The following ARL5A variants were observed in gnomAD, a reference collection of about 807,000 sequenced individuals.
ARL5A encodes the protein ARF like GTPase 5A.
Under a neutral mutation model 25.9 loss-of-function variants are expected in ARL5A, and 18 were observed. The observed-to-expected ratio is 0.69, with a 90% CI of 0.48 to 1.03. ARL5A has a LOEUF of 1.03. Among genes scored for constraint, ARL5A ranks in the 50% least tolerant of loss-of-function variants. The pLI, the probability that ARL5A is intolerant of heterozygous loss-of-function variation, is 0.00. For synonymous variants in ARL5A, 61 were observed against 67.5 expected (o/e 0.90, Z 0.47); for missense variants, 170 against 211.9 (o/e 0.80, Z 1.23).
chr2:151,815,316 G>A (rs771194130), intron 1 of ARL5A, 117 bp from the exon 2 acceptor site: 1 of 769,026 alleles, frequency 1.3e-6, no homozygotes, highest in Non-Finnish European at 2.1e-6. Flanking sequence ...TCAGTGCATG[G>A]CACTTTATAC....
At chr2:151,804,183 T>C (rs2099829791) in intron 5 of ARL5A, among the ~76,000 whole-genome samples, 2 of 152,170 alleles carry the variant, frequency 1.3e-5, no homozygotes, top group Non-Finnish European at 2.9e-5. Context: ...TATTATAAAA[T>C]GTAAGTATGT....
At position 151,800,304 on chromosome 2, in the gene ARL5A, T is replaced by A. The variant is rs2099829234; in HGVS notation, c.*2972A>T. The A allele has an allele frequency of 1.3e-5, 2 of 152,214 alleles. No individual in the cohort carries two copies. The highest frequency in any genetic ancestry group is 2.9e-5 in the Non-Finnish European group (2 of 68,022). The allele number at this position is 152,214 out of a possible 1,614,324, so 9.4% of individuals were successfully genotyped here. A position where few individuals can be genotyped will look rare whatever the true frequency, so the allele number is the denominator to read the frequency against. On this transcript the variant is annotated 3_prime_UTR_variant, in exon 6 of 6. Transcript: ENST00000295087. ...AATAGAGTCCTATTTCTAGGCATCT[T>A]AATACTATATGCTGAGACAAAAAGG...
In ARL5A at chr2:151,799,572, A is replaced by T. The variant is rs1271325105; in HGVS notation, c.*3704T>A. ...GTGGTAGAGTCTGGGTATTTCTCCT[A>T]TCTTTCTGAATCTACTTCCCAACAT... On this transcript the variant is annotated 3_prime_UTR_variant, in exon 6 of 6. Coordinates refer to ENST00000295087, the MANE Select transcript of ARL5A (RefSeq NM_012097.4). The T allele has an allele frequency of 6.6e-6, 1 of 152,212 alleles. No individual in the cohort carries two copies. The highest frequency in any genetic ancestry group is 2.4e-5 in the African/African-American group (1 of 41,474). 9.4% of individuals were successfully genotyped at this position (152,212 alleles called of 1,614,324 possible). A position where few individuals can be genotyped will look rare whatever the true frequency, so the allele number is the denominator to read the frequency against.
In ARL5A at chr2:151,799,975, G is replaced by A. The variant is rs2099829190; in HGVS notation, c.*3301C>T. 6.6e-6 allele frequency: 1 copy of A among 152,180 alleles called. No homozygotes were observed. Among genetic ancestry groups the A allele is most frequent in the Non-Finnish European group, 1.5e-5 (1 of 68,044 alleles). 9.4% of individuals were successfully genotyped at this position (152,180 alleles called of 1,614,324 possible). ...AGGTCCAGATTACATTTGGAGAGTG[G>A]GAGAGGTCAAAGTTACGAGGAGAAA... is the stretch of plus-strand genomic sequence containing the variant. On this transcript the variant is annotated 3_prime_UTR_variant, in exon 6 of 6. Coordinates refer to ENST00000295087, the MANE Select transcript of ARL5A (RefSeq NM_012097.4).
rs578254392 is a variant in ARL5A at position 151,826,315 on chromosome 2, A to G, written c.46+1816T>C. Among the ~76,000 whole-genome samples, 3 of 152,324 alleles carry G rather than the reference A, an allele frequency of 2.0e-5. No individual in the cohort carries two copies. In the East Asian group the frequency reaches 5.8e-4, roughly 29 times the overall value. On this transcript the variant is annotated intron_variant, in intron 1 of 5. Coordinates refer to ENST00000295087, the MANE Select transcript of ARL5A (RefSeq NM_012097.4). The stretch of plus-strand genomic sequence containing the variant: ...ATTAATTTCTCTATTAATTTCCGCC[A>G]AACTGCCATAAATGTCCCGTCAAAA...
At chr2:151,815,918 C>T (rs906547569) in intron 1 of ARL5A, among the ~76,000 whole-genome samples, 7 of 149,712 alleles carry the variant, frequency 4.7e-5, no homozygotes, top group Non-Finnish European at 1.0e-4. Context: ...TAAGACCCAT[C>T]TATTTCCAGC....
rs201443797 is a variant in ARL5A, at chr2:151,809,592, TAAC to T, written c.340-2623_340-2621del. On this transcript the variant is annotated intron_variant, in intron 4 of 5. Coordinates refer to ENST00000295087, the MANE Select transcript of ARL5A (RefSeq NM_012097.4). ...ATTAAGGCTGTTCATCAACGTGACT[TAAC>T]AAGAGGTCAAAGTATAAGGTGAACA... Among the ~76,000 whole-genome samples the T allele has an allele frequency of 1.0e-2, 1,517 of 152,336 alleles. 25 individuals are homozygous for T. The highest frequency in any genetic ancestry group is 0.035 in the African/African-American group (1,463 of 41,580).
chr2:151,802,211 T>A lies in ARL5A; in HGVS notation c.*1065A>T. 1 of 152,112 alleles carries A rather than the reference T, an allele frequency of 6.6e-6. No individual in the cohort carries two copies. Among genetic ancestry groups the A allele is most frequent in the East Asian group, 1.9e-4 (1 of 5,200 alleles). The allele number at this position is 152,112 out of a possible 1,614,324, so 9.4% of individuals were successfully genotyped here. The stretch of plus-strand genomic sequence containing the variant: ...AATGTTGCTCAGAAACATGCCTTAC[T>A]TTTACTCTGAAATTCACTTTAACTG... On this transcript the variant is annotated 3_prime_UTR_variant, in exon 6 of 6. Coordinates refer to ENST00000295087, the MANE Select transcript of ARL5A (RefSeq NM_012097.4).
chr2:151,803,658 C>T (rs547770514), intron 5 of ARL5A, among the ~76,000 whole-genome samples: 3 of 152,286 alleles, frequency 2.0e-5, no homozygotes, highest in African/African-American at 7.2e-5. Context: ...CAGGCGTGTG[C>T]CACCACACCC....
At chr2:151,814,055 T>C (rs1232614867) in intron 3 of ARL5A, 114 bp downstream of exon 3, 7 of 966,820 alleles carry the variant, frequency 7.2e-6, no homozygotes, top group Non-Finnish European at 1.0e-5. Flanking sequence ...CTGCTTAAAC[T>C]CTCTATGTAT....
At chr2:151,813,197 T>C (rs2099831081) in intron 3 of ARL5A, among the ~76,000 whole-genome samples, 1 of 152,198 alleles carries the variant, frequency 6.6e-6, no homozygotes, top group Non-Finnish European at 1.5e-5. Flanking sequence ...CTATTTATTT[T>C]TGGGACCTAG....
intron 1 of ARL5A, among the ~76,000 whole-genome samples, chr2:151,817,814 T>G (rs1202287744): frequency 6.6e-6 from 1 of 152,178 alleles, no homozygotes; most frequent in East Asian, 1.9e-4. Context: ...AAGACCAACA[T>G]GACCAACATG....
At chr2:151,820,724 G>C (rs891111216) in intron 1 of ARL5A, among the ~76,000 whole-genome samples, 1 of 138,430 alleles carries the variant, frequency 7.2e-6, no homozygotes, top group Non-Finnish European at 1.6e-5. Flanking sequence ...AATGTTAATA[G>C]AGAAAAGCGT....
In ARL5A at chr2:151,810,302, A is replaced by C. The variant is rs192534493; in HGVS notation, c.339+2055T>G. On this transcript the variant is annotated intron_variant, in intron 4 of 5. Coordinates refer to ENST00000295087, the MANE Select transcript of ARL5A (RefSeq NM_012097.4). The stretch of plus-strand genomic sequence containing the variant: ...GTAAAGAGTCATTATCAGTGATGAC[A>C]ATAAGATTTTGTTGATTTATGTAGT... 2.2e-3 allele frequency: 357 copies of C among 163,256 alleles called. 1 individual carries two copies. Among genetic ancestry groups the C allele is most frequent in the Non-Finnish European group, 3.9e-3 (287 of 73,552 alleles). 10.1% of individuals were successfully genotyped at this position (163,256 alleles called of 1,614,324 possible).
In ARL5A at chr2:151,799,168, G is replaced by A. The variant is rs549627007; in HGVS notation, c.*4108C>T. 6 of 152,234 alleles carry A rather than the reference G, an allele frequency of 3.9e-5. No individual in the cohort carries two copies. The highest frequency in any genetic ancestry group is 1.4e-4 in the African/African-American group (6 of 41,554). 9.4% of individuals were successfully genotyped at this position (152,234 alleles called of 1,614,324 possible). ...TTCTTTGAGGGAGCATGATATACAA[G>A]TTTTATTTTTGTGTAAGTGGAGCTT... On this transcript the variant is annotated 3_prime_UTR_variant, in exon 6 of 6. Transcript: ENST00000295087.
At chr2:151,817,397 A>G (rs1161805430) in intron 1 of ARL5A, among the ~76,000 whole-genome samples, 1 of 152,244 alleles carries the variant, frequency 6.6e-6, no homozygotes, top group African/African-American at 2.4e-5. Flanking sequence ...TACTCAATAA[A>G]TGTTGAATTA....
Position 151,802,242 on chromosome 2 carries a change from C to T in ARL5A, c.*1034G>A, listed in dbSNP as rs2099829525. On this transcript the variant is annotated 3_prime_UTR_variant, in exon 6 of 6. Coordinates refer to ENST00000295087, the MANE Select transcript of ARL5A (RefSeq NM_012097.4). ...TCTGAAATTCACTTTAACTGCTTGA[C>T]ATATAATTTAATACTTAAAAATAAT... is the stretch of plus-strand genomic sequence containing the variant. The T allele has an allele frequency of 6.6e-6, 1 of 152,022 alleles. No homozygotes were observed. Among genetic ancestry groups the T allele is most frequent in the African/African-American group, 2.4e-5 (1 of 41,412 alleles). 9.4% of individuals were successfully genotyped at this position (152,022 alleles called of 1,614,324 possible). A position where few individuals can be genotyped will look rare whatever the true frequency, so the allele number is the denominator to read the frequency against.
intron 5 of ARL5A, 100 bp from the exon 6 acceptor site, chr2:151,803,424 T>A: frequency 1.2e-6 from 1 of 834,904 alleles, no homozygotes; most frequent in Non-Finnish European, 2.0e-6. Flanking sequence ...TTCATTTAGC[T>A]AAATAACAAA....
At chr2:151,822,337 C>G (rs1235368356) in intron 1 of ARL5A, among the ~76,000 whole-genome samples, 1 of 152,136 alleles carries the variant, frequency 6.6e-6, no homozygotes, top group Non-Finnish European at 1.5e-5. Flanking sequence ...TAATAGCTTC[C>G]TAAATCTAAG....
Sources: allele counts gnomAD v4.1 joint callset (sites outside exome capture counted in the v4.1 genomes callset), GRCh38; gene constraint gnomAD v4.1.1; transcripts MANE v1.5; gene names NCBI Gene and HGNC (gene_info 2026-07-23, HGNC 2026-07-21).